Variants in STXBP5L observed in about 807,000 individuals in gnomAD.
STXBP5L encodes syntaxin-binding protein 5-like.
A neutral mutation model predicts 144.5 loss-of-function variants in STXBP5L; 65 were observed. The observed-to-expected ratio is 0.45, with a 90% CI of 0.37 to 0.55. STXBP5L has a LOEUF of 0.55. STXBP5L is among the 20% of genes least tolerant of loss of function. STXBP5L has a pLI of 0.00. For missense variants in STXBP5L, 1,298 were observed against 1,405.5 expected, an observed-to-expected ratio of 0.92 and a Z score of 1.22; for synonymous variants, 505 against 469.6, an observed-to-expected ratio of 1.08 and a Z score of -0.97.
At position 121,379,571 on chromosome 3, in the gene STXBP5L, C is replaced by T. The variant is rs552083197; in HGVS notation, c.2347+685C>T. Among the ~76,000 whole-genome samples, 4 of 152,212 alleles carry T rather than the reference C, an allele frequency of 2.6e-5. No homozygotes were observed. In the South Asian group the frequency reaches 8.3e-4, roughly 32 times the overall value. ...CTGTGAAGTAAGTCTCTATTTACTA[C>T]TCCTGAAAACTTTTGACAGTGATCT... On this transcript the variant is annotated intron_variant, in intron 21 of 26. Transcript: ENST00000471454.
chr3:121,179,914 C>T (rs2047078005), intron 9 of STXBP5L, among the ~76,000 whole-genome samples: 1 of 152,016 alleles, frequency 6.6e-6, no homozygotes, highest in Non-Finnish European at 1.5e-5. Context: ...AAAGATGAAC[C>T]AAGTCTCCAA....
At chr3:120,964,745 C>T (rs1168001486) in intron 3 of STXBP5L, among the ~76,000 whole-genome samples, 1 of 152,098 alleles carries the variant, frequency 6.6e-6, no homozygotes, top group Non-Finnish European at 1.5e-5. Context: ...AATGTATATT[C>T]TGTTGATTTG....
At chr3:121,041,827 C>T (rs1258963226) in intron 4 of STXBP5L, 46 bp downstream of exon 4, 4 of 1,212,508 alleles carry the variant, frequency 3.3e-6, no homozygotes, top group Non-Finnish European at 4.9e-6. Context: ...TCCCCCACTA[C>T]ACAGTGAATC....
At chr3:121,279,631 C>A (rs180293) in intron 18 of STXBP5L, among the ~76,000 whole-genome samples, 174 bp from the exon 19 acceptor site, 25,888 of 151,660 alleles carry the variant, frequency 0.17, 2,664 homozygotes, top group East Asian at 0.54. Context: ...GCCTATTATA[C>A]GAAGACAGTT....
chr3:121,033,695 T>A (rs1264572113), intron 3 of STXBP5L, among the ~76,000 whole-genome samples: 1 of 152,002 alleles, frequency 6.6e-6, no homozygotes, highest in African/African-American at 2.4e-5. Flanking sequence ...ATTTGTAATT[T>A]TAGCATTAAC....
chr3:121,250,658 C>A, intron 14 of STXBP5L, 65 bp from the exon 15 acceptor site: 2 of 1,346,586 alleles, frequency 1.5e-6, no homozygotes, highest in Non-Finnish European at 2.1e-6. Flanking sequence ...AGTTTCTGTA[C>A]ATTTGGAGTG....
At chr3:121,368,548 AT>A (rs902415630) in intron 20 of STXBP5L, among the ~76,000 whole-genome samples, 22 of 150,826 alleles carry the variant, frequency 1.5e-4, no homozygotes, top group Middle Eastern at 6.8e-3. Context: ...GTACATTATG[AT>A]TTTTTTTGTT....
At chr3:121,377,986 G>A (rs923738078) in intron 20 of STXBP5L, among the ~76,000 whole-genome samples, 9 of 152,200 alleles carry the variant, frequency 5.9e-5, no homozygotes, top group Non-Finnish European at 1.3e-4. Flanking sequence ...ATACTATGCA[G>A]ACATAAAAAA....
intron 3 of STXBP5L, among the ~76,000 whole-genome samples, chr3:120,961,507 A>T (rs1938813456): frequency 6.6e-6 from 1 of 152,034 alleles, no homozygotes; most frequent in African/African-American, 2.4e-5. Context: ...CCCCTCTATA[A>T]GTGAGAACAC....
intron 5 of STXBP5L, among the ~76,000 whole-genome samples, chr3:121,054,536 C>A (rs889076848): frequency 7.4e-6 from 1 of 134,862 alleles, no homozygotes; most frequent in African/African-American, 2.9e-5. Flanking sequence ...GGGAATTGAA[C>A]AATGAGAACA....
chr3:121,190,162 T>C (rs368118298), intron 9 of STXBP5L, among the ~76,000 whole-genome samples: 5 of 152,138 alleles, frequency 3.3e-5, no homozygotes, highest in Admixed American at 3.3e-4. Context: ...CGGATAAACA[T>C]GTGAACAAAG....
At chr3:121,097,058 T>A (rs1210448697) in intron 5 of STXBP5L, among the ~76,000 whole-genome samples, 2 of 152,180 alleles carry the variant, frequency 1.3e-5, no homozygotes, top group Non-Finnish European at 2.9e-5. Context: ...AGGAGAAATG[T>A]GGCAGTCTGG....
At chr3:121,286,099 G>A (rs1202231946) in intron 19 of STXBP5L, among the ~76,000 whole-genome samples, 1 of 152,144 alleles carries the variant, frequency 6.6e-6, no homozygotes, top group East Asian at 1.9e-4. Flanking sequence ...TAGGCTTAAT[G>A]TAGAGAATTG....
At chr3:121,056,100 T>C (rs962260340) in intron 5 of STXBP5L, among the ~76,000 whole-genome samples, 3 of 152,178 alleles carry the variant, frequency 2.0e-5, no homozygotes, top group Non-Finnish European at 4.4e-5. Flanking sequence ...CCTTTGCATC[T>C]GGTAAGGCTT....
rs993691964 is a variant in STXBP5L, at chr3:120,975,367, T to C, written c.287+20330T>C. Among the ~76,000 whole-genome samples, 4 of 152,196 alleles carry C rather than the reference T, an allele frequency of 2.6e-5. 1 individual carries two copies. Among genetic ancestry groups the C allele is most frequent in the Non-Finnish European group, 5.9e-5 (4 of 68,042 alleles). ...TTTGTCTGTTATTGGTGTATAAGAA[T>C]GCTTGTGATTTTTGCACATTGATTT... On this transcript the variant is annotated intron_variant, in intron 3 of 26. Transcript: ENST00000471454.
At chr3:120,974,138 A>G (rs1164653282) in intron 3 of STXBP5L, among the ~76,000 whole-genome samples, 9 of 152,164 alleles carry the variant, frequency 5.9e-5, no homozygotes, top group Non-Finnish European at 1.0e-4. Context: ...CAATGGTTGA[A>G]CTAGTTTACA....
At chr3:121,168,130 G>C (rs1199077904) in intron 9 of STXBP5L, among the ~76,000 whole-genome samples, 1 of 152,126 alleles carries the variant, frequency 6.6e-6, no homozygotes, top group African/African-American at 2.4e-5. Context: ...GAAAGGAAGA[G>C]CATCAACATC....
At chr3:121,089,437 G>A (rs901775357) in intron 5 of STXBP5L, among the ~76,000 whole-genome samples, 1 of 150,908 alleles carries the variant, frequency 6.6e-6, no homozygotes, top group Non-Finnish European at 1.5e-5. Flanking sequence ...ACTTCCTCCT[G>A]GTCTCTGTGG....
intron 3 of STXBP5L, among the ~76,000 whole-genome samples, chr3:121,019,308 C>T (rs567263855): frequency 6.6e-6 from 1 of 152,222 alleles, no homozygotes; most frequent in East Asian, 1.9e-4. Context: ...TGAAGACAAA[C>T]GACATAATGC....
Sources: allele counts gnomAD v4.1 joint callset (sites outside exome capture counted in the v4.1 genomes callset), GRCh38; gene constraint gnomAD v4.1.1; transcripts MANE v1.5; gene names NCBI Gene and HGNC (gene_info 2026-07-23, HGNC 2026-07-21).